SGMS1: variants seen among roughly 807,000 people sequenced by gnomAD.
SGMS1 encodes sphingomyelin synthase 1.
In SGMS1, 13 loss-of-function variants were observed where a neutral mutation model predicts 46.2. The observed-to-expected ratio is 0.28, with a 90% CI of 0.18 to 0.45. The LOEUF is 0.45. Ranked by LOEUF, SGMS1 falls within the 20% of genes least tolerant of loss-of-function variation. SGMS1 has a pLI of 1.00. For synonymous variants in SGMS1, 203 were observed against 187.8 expected (o/e 1.08, Z -0.66); for missense variants, 324 against 519.9 (o/e 0.62, Z 3.66).
At chr10:50,560,160 ATATAT>A (rs1294049782) in intron 2 of SGMS1, among the ~76,000 whole-genome samples, 1 of 145,874 alleles carries the variant, frequency 6.9e-6, no homozygotes, top group African/African-American at 2.5e-5. Context: ...TAAAATAGAC[ATATAT>A]TATACATTAC....
intron 3 of SGMS1, among the ~76,000 whole-genome samples, chr10:50,513,054 A>G (rs1837771224): frequency 1.3e-5 from 2 of 152,222 alleles, no homozygotes; most frequent in South Asian, 4.1e-4. Flanking sequence ...CATGTGGGTA[A>G]CAAATGCTAC....
rs144920225 is a variant in SGMS1, at chr10:50,319,671, T to C, written c.741+7534A>G. Among the ~76,000 whole-genome samples, 364 of 152,302 alleles carry C rather than the reference T, an allele frequency of 2.4e-3. 1 individual carries two copies. The highest frequency in any genetic ancestry group is 4.6e-3 in the South Asian group (22 of 4,826). On this transcript the variant is annotated intron_variant, in intron 8 of 10. Coordinates refer to ENST00000361781, the MANE Select transcript of SGMS1 (RefSeq NM_147156.4). ...GGTTTTATCTGAATGTTGCCTTCTG[T>C]TTAAATCCAGCTTAAACACTGTTGG...
intron 2 of SGMS1, among the ~76,000 whole-genome samples, chr10:50,554,032 A>G (rs1588875303): frequency 6.6e-6 from 1 of 152,056 alleles, no homozygotes; most frequent in Admixed American, 6.6e-5. Context: ...ACCTACAATC[A>G]CCACCTAACC....
chr10:50,417,817 G>A (rs1849195659), intron 6 of SGMS1, among the ~76,000 whole-genome samples: 1 of 152,144 alleles, frequency 6.6e-6, no homozygotes, highest in Non-Finnish European at 1.5e-5. Context: ...TTAGCATCAC[G>A]CAATATAAAG....
Position 50,563,032 on chromosome 10 carries a change from G to A in SGMS1, c.-589+27121C>T, listed in dbSNP as rs551702859. On this transcript the variant is annotated intron_variant, in intron 2 of 10. Coordinates refer to ENST00000361781, the MANE Select transcript of SGMS1 (RefSeq NM_147156.4). ...AGAAAACCTCTGCATTAAAGTTCCC[G>A]ACAGCTTCATGAACTCATTCCCAGA... Among the ~76,000 whole-genome samples the A allele has an allele frequency of 5.9e-5, 9 of 152,256 alleles. 1 individual carries two copies. Among genetic ancestry groups the A allele is most frequent in the Admixed American group, 5.2e-4 (8 of 15,286 alleles).
intron 1 of SGMS1, among the ~76,000 whole-genome samples, chr10:50,611,881 C>A (rs1044376067): frequency 6.6e-6 from 1 of 152,184 alleles, no homozygotes; most frequent in African/African-American, 2.4e-5. Flanking sequence ...CACCCCCCAT[C>A]CCCTTTTCCA....
At chr10:50,561,907 T>C (rs1838239949) in intron 2 of SGMS1, among the ~76,000 whole-genome samples, 1 of 151,808 alleles carries the variant, frequency 6.6e-6, no homozygotes, top group South Asian at 2.1e-4. Context: ...ACTACCCCAC[T>C]CCCAGACAAG....
At chr10:50,518,066 TAC>T (rs1416738389) in intron 3 of SGMS1, among the ~76,000 whole-genome samples, 2 of 152,146 alleles carry the variant, frequency 1.3e-5, no homozygotes, top group Admixed American at 1.3e-4. Context: ...GATAAGCATG[TAC>T]AGTTAAACAA....
At chr10:50,564,366 G>T (rs1838269875) in intron 2 of SGMS1, among the ~76,000 whole-genome samples, 1 of 152,206 alleles carries the variant, frequency 6.6e-6, no homozygotes, top group Non-Finnish European at 1.5e-5. Context: ...TCATAAATTT[G>T]TTTTATATTC....
chr10:50,338,228 A>T (rs969625420), intron 7 of SGMS1, among the ~76,000 whole-genome samples: 11 of 152,306 alleles, frequency 7.2e-5, no homozygotes, highest in Non-Finnish European at 1.6e-4. Context: ...ATGTTTTACC[A>T]CTAAGCTCTC....
At chr10:50,469,617 G>A (rs895796494) in intron 3 of SGMS1, among the ~76,000 whole-genome samples, 2 of 152,170 alleles carry the variant, frequency 1.3e-5, no homozygotes, top group East Asian at 1.9e-4. Flanking sequence ...ATTTAGGATG[G>A]AGCAAAGTAC....
rs1589377626 is a variant in SGMS1, at chr10:50,305,737, T to C, written c.*1405A>G. 6.5e-6 allele frequency: 1 copy of C among 152,734 alleles called. No individual in the cohort carries two copies. Among genetic ancestry groups the C allele is most frequent in the Non-Finnish European group, 1.5e-5 (1 of 68,000 alleles). The allele number at this position is 152,734 out of a possible 1,614,324, so 9.5% of individuals were successfully genotyped here. A position where few individuals can be genotyped will look rare whatever the true frequency, so the allele number is the denominator to read the frequency against. Reference sequence around the variant, plus strand: ...AACAAACAAAATTTTAAAAGCCTTTTTATTTCCTTCACCATTATTGTTTTA... The same window carrying C: ...AACAAACAAAATTTTAAAAGCCTTTCTATTTCCTTCACCATTATTGTTTTA... On this transcript the variant is annotated 3_prime_UTR_variant, in exon 11 of 11. Coordinates refer to ENST00000361781, the MANE Select transcript of SGMS1 (RefSeq NM_147156.4).
intron 2 of SGMS1, among the ~76,000 whole-genome samples, chr10:50,539,312 A>C (rs1838031902): frequency 6.6e-6 from 1 of 152,216 alleles, no homozygotes; most frequent in African/African-American, 2.4e-5. Flanking sequence ...CCCCTTGTTG[A>C]TCCTCTGTGC....
At chr10:50,507,739 C>T (rs899127093) in intron 3 of SGMS1, among the ~76,000 whole-genome samples, 1 of 152,210 alleles carries the variant, frequency 6.6e-6, no homozygotes, top group East Asian at 1.9e-4. Flanking sequence ...ACCAGAACCA[C>T]TGGGCCTGCC....
chr10:50,400,764 T>A (rs1848926099), intron 6 of SGMS1, among the ~76,000 whole-genome samples: 1 of 152,148 alleles, frequency 6.6e-6, no homozygotes, highest in African/African-American at 2.4e-5. Flanking sequence ...GACTGTTCCT[T>A]TACTACCTGT....
intron 5 of SGMS1, among the ~76,000 whole-genome samples, chr10:50,454,942 C>T (rs1193090814): frequency 6.6e-6 from 1 of 152,154 alleles, no homozygotes; most frequent in Non-Finnish European, 1.5e-5. Context: ...AACACTCATG[C>T]TCTATTTTCT....
intron 3 of SGMS1, among the ~76,000 whole-genome samples, chr10:50,471,571 TA>T (rs973356221): frequency 6.6e-6 from 1 of 152,178 alleles, no homozygotes; most frequent in Non-Finnish European, 1.5e-5. Flanking sequence ...GTATGAGATA[TA>T]AAAAAGGATC....
intron 1 of SGMS1, among the ~76,000 whole-genome samples, chr10:50,592,403 G>A (rs1360834568): frequency 6.6e-6 from 1 of 152,222 alleles, no homozygotes; most frequent in Non-Finnish European, 1.5e-5. Flanking sequence ...GCTCTTAGAT[G>A]TGGGGGTGAG....
At position 50,580,430 on chromosome 10, in the gene SGMS1, C is replaced by CCG. The variant is rs987435366; in HGVS notation, c.-589+9722_-589+9723insCG. Reference sequence around the variant, plus strand: ...TTACCACAGCAAGTTAGGGACCCCCCCCCAAACCCCTCAACCCTCACTTAT... The same window carrying CCG: ...TTACCACAGCAAGTTAGGGACCCCCCCGCCCAAACCCCTCAACCCTCACTTAT... On this transcript the variant is annotated intron_variant, in intron 2 of 10. Coordinates refer to ENST00000361781, the MANE Select transcript of SGMS1 (RefSeq NM_147156.4). 5.3e-4 allele frequency among the ~76,000 whole-genome samples: 81 copies of CCG among 151,564 alleles called. 2 individuals carry two copies. The highest frequency in any genetic ancestry group is 1.5e-4 in the Non-Finnish European group (10 of 67,856).
Sources: gnomAD v4.1 joint callset for allele counts (sites outside exome capture counted in the v4.1 genomes callset) on GRCh38, gnomAD v4.1.1 for gene constraint, MANE v1.5 for transcripts, NCBI Gene and HGNC (gene_info 2026-07-23, HGNC 2026-07-21) for gene names.